Variants in PUM3 observed in about 807,000 individuals in gnomAD.
The protein encoded by PUM3 is pumilio homolog 3.
A neutral mutation model predicts 84.0 loss-of-function variants in PUM3; 91 were observed. The ratio of observed to expected loss-of-function variants is 1.08; its 90% CI spans 0.91 to 1.29. The LOEUF (loss-of-function observed/expected upper bound fraction) is 1.29, where lower values mean the gene tolerates loss of function less well. Ranked by LOEUF, PUM3 falls within the 50% of genes most tolerant of loss-of-function variation. The pLI is 0.00. For synonymous variants in PUM3, 321 were observed against 266.7 expected, an observed-to-expected ratio of 1.20 and a Z score of -1.98; for missense variants, 1,067 against 767.5, an observed-to-expected ratio of 1.39 and a Z score of -4.61.
intron 17 of PUM3, among the ~76,000 whole-genome samples, chr9:2,805,816 T>G (rs1190253618): frequency 6.6e-6 from 1 of 151,938 alleles, no homozygotes; most frequent in East Asian, 1.9e-4. Context: ...CCAAGAAAAT[T>G]AAGGCCCAGA....
At chr9:2,833,745 A>T (rs1816047328) in intron 4 of PUM3, among the ~76,000 whole-genome samples, 1 of 152,226 alleles carries the variant, frequency 6.6e-6, no homozygotes, top group African/African-American at 2.4e-5. Flanking sequence ...AATCTAGCTG[A>T]TAAGAAATTG....
chr9:2,843,761 G>T (rs1816331259), intron 1 of PUM3, among the ~76,000 whole-genome samples: 1 of 151,798 alleles, frequency 6.6e-6, no homozygotes, highest in South Asian at 2.1e-4. Flanking sequence ...TGTAGTTTTA[G>T]TAGAGACGGG....
rs192052216 is a variant in PUM3 at position 2,831,926 on chromosome 9, T to G, written c.517-582A>C. ...TCCAGTTATATTTCTAGAAGAGTTG[T>G]TGTGTTTTGAATCTGATTCTCTAAC... On this transcript the variant is annotated intron_variant, in intron 5 of 17. Transcript: ENST00000397885. 5.0e-3 allele frequency among the ~76,000 whole-genome samples: 768 copies of G among 152,336 alleles called. 5 individuals are homozygous for G. Among genetic ancestry groups the G allele is most frequent in the Non-Finnish European group, 7.8e-3 (531 of 68,028 alleles).
At chr9:2,837,505 C>A in intron 2 of PUM3, 104 bp from the exon 3 acceptor site, 3 of 700,680 alleles carry the variant, frequency 4.3e-6, no homozygotes, top group South Asian at 3.8e-5. Flanking sequence ...ATCCCAATAC[C>A]ATGTCTTACT....
intron 12 of PUM3, among the ~76,000 whole-genome samples, chr9:2,822,596 T>C (rs2129831061): frequency 6.6e-6 from 1 of 151,496 alleles, no homozygotes; most frequent in East Asian, 1.9e-4. Flanking sequence ...CTTAATACCT[T>C]TGTGAATTTT....
At chr9:2,822,747 AT>A (rs1407177617) in intron 12 of PUM3, among the ~76,000 whole-genome samples, 4 of 148,228 alleles carry the variant, frequency 2.7e-5, no homozygotes, top group African/African-American at 9.8e-5. Flanking sequence ...ATAATGTTAT[AT>A]AATATATAAC....
At chr9:2,826,692 T>TC (rs2129847340) in intron 10 of PUM3, among the ~76,000 whole-genome samples, 1 of 152,300 alleles carries the variant, frequency 6.6e-6, no homozygotes, top group African/African-American at 2.4e-5. Flanking sequence ...TACAAACATA[T>TC]CCTCCTCTAA....
intron 13 of PUM3, among the ~76,000 whole-genome samples, chr9:2,816,784 T>C (rs1252573121): frequency 1.3e-5 from 2 of 152,140 alleles, no homozygotes; most frequent in Non-Finnish European, 2.9e-5. Context: ...AAGACTATAG[T>C]AGTTGAGTGG....
At chr9:2,829,700 T>C in intron 8 of PUM3, 74 bp downstream of exon 8, 4 of 1,275,172 alleles carry the variant, frequency 3.1e-6, no homozygotes, top group Non-Finnish European at 4.4e-6. Flanking sequence ...TCAAAAGATA[T>C]ATAGGGCACC....
At chr9:2,816,179 G>C (rs1028823084) in intron 13 of PUM3, among the ~76,000 whole-genome samples, 2 of 152,188 alleles carry the variant, frequency 1.3e-5, no homozygotes, top group Non-Finnish European at 2.9e-5. Context: ...AAGAAATGCA[G>C]ACTACTGCAT....
At chr9:2,840,694 G>A (rs891424443) in intron 1 of PUM3, among the ~76,000 whole-genome samples, 1 of 152,214 alleles carries the variant, frequency 6.6e-6, no homozygotes, top group Non-Finnish European at 1.5e-5. Flanking sequence ...CCAGGGGGAA[G>A]TTTCTCAGGT....
At chr9:2,815,312 A>G (rs1227508718) in intron 13 of PUM3, among the ~76,000 whole-genome samples, 1 of 152,140 alleles carries the variant, frequency 6.6e-6, no homozygotes, top group Non-Finnish European at 1.5e-5. Context: ...GCTTTCCCCT[A>G]CCATCAAAAA....
intron 10 of PUM3, among the ~76,000 whole-genome samples, chr9:2,826,466 T>C (rs547997333): frequency 1.8e-4 from 28 of 152,308 alleles, no homozygotes; most frequent in Admixed American, 1.1e-3. Context: ...TGGCGTTATT[T>C]GTTAAGTCAG....
At chr9:2,813,993 G>C (rs931569259) in intron 13 of PUM3, among the ~76,000 whole-genome samples, 3 of 142,348 alleles carry the variant, frequency 2.1e-5, no homozygotes, top group African/African-American at 2.9e-5. Context: ...TGAAGTTTAA[G>C]ATCACAGTAT....
chr9:2,835,759 G>A (rs1816104569), intron 3 of PUM3, among the ~76,000 whole-genome samples: 1 of 152,094 alleles, frequency 6.6e-6, no homozygotes, highest in South Asian at 2.1e-4. Context: ...GGGTTGTCTA[G>A]TAACCAATCT....
At chr9:2,806,066 G>A (rs918853185) in intron 17 of PUM3, among the ~76,000 whole-genome samples, 2 of 152,112 alleles carry the variant, frequency 1.3e-5, no homozygotes, top group Admixed American at 1.3e-4. Context: ...CCAATTCTGA[G>A]TAGTGCTCCA....
At chr9:2,805,135 C>T (rs993603981) in intron 17 of PUM3, among the ~76,000 whole-genome samples, 5 of 152,246 alleles carry the variant, frequency 3.3e-5, no homozygotes, top group Non-Finnish European at 7.3e-5. Flanking sequence ...CAGAGTCCAC[C>T]TTCCACCTCA....
chr9:2,833,494 A>G (rs1816040276), intron 4 of PUM3, 62 bp from the exon 5 acceptor site: 2 of 901,416 alleles, frequency 2.2e-6, no homozygotes, highest in South Asian at 3.1e-5. Flanking sequence ...AACACACAAA[A>G]TTAAAAACTG....
chr9:2,815,140 TTTAA>T (rs1462546111), intron 13 of PUM3, among the ~76,000 whole-genome samples: 1 of 152,238 alleles, frequency 6.6e-6, no homozygotes, highest in Non-Finnish European at 1.5e-5. Context: ...TAAATTCGTA[TTTAA>T]TTAAGGCTTT....
Sources: allele counts gnomAD v4.1 joint callset (sites outside exome capture counted in the v4.1 genomes callset), GRCh38; gene constraint gnomAD v4.1.1; transcripts MANE v1.5; gene names NCBI Gene and HGNC (gene_info 2026-07-23, HGNC 2026-07-21).